DGKI: variants seen among roughly 807,000 people sequenced by gnomAD.
The protein encoded by DGKI is diacylglycerol kinase iota.
In DGKI, 55 loss-of-function variants were observed where a neutral mutation model predicts 147.5. The ratio of observed to expected loss-of-function variants is 0.37; its 90% CI spans 0.30 to 0.47. The LOEUF is 0.47. DGKI is among the 20% of genes least tolerant of loss of function. The pLI, the probability that DGKI is intolerant of heterozygous loss-of-function variation, is 1.00. For missense variants in DGKI, 1,007 were observed against 1,323.8 expected (o/e 0.76, Z 3.71); for synonymous variants, 469 against 477.1 (o/e 0.98, Z 0.22).
At chr7:137,557,700 C>T (rs975572873) in intron 19 of DGKI, among the ~76,000 whole-genome samples, 5 of 152,122 alleles carry the variant, frequency 3.3e-5, no homozygotes, top group Non-Finnish European at 7.4e-5. Flanking sequence ...TACTGAGAAG[C>T]ACTCTCTCCA....
At chr7:137,647,511 C>A (rs1171804503) in intron 5 of DGKI, among the ~76,000 whole-genome samples, 1 of 152,202 alleles carries the variant, frequency 6.6e-6, no homozygotes, top group East Asian at 1.9e-4. Flanking sequence ...GGGCTGGGCC[C>A]AGCTGGTGGT....
chr7:137,809,669 C>T (rs773137677), intron 1 of DGKI, among the ~76,000 whole-genome samples: 15 of 152,208 alleles, frequency 9.9e-5, no homozygotes, highest in Non-Finnish European at 2.1e-4. Flanking sequence ...CATTCTTGGA[C>T]GCCAAGGAAG....
intron 3 of DGKI, among the ~76,000 whole-genome samples, chr7:137,670,506 G>A (rs986467557): frequency 1.3e-5 from 2 of 152,106 alleles, no homozygotes; most frequent in African/African-American, 2.4e-5. Flanking sequence ...ACACCTAAAG[G>A]GTGACATTAC....
At chr7:137,638,738 T>A (rs1821511235) in intron 6 of DGKI, among the ~76,000 whole-genome samples, 1 of 149,494 alleles carries the variant, frequency 6.7e-6, no homozygotes, top group Non-Finnish European at 1.5e-5. Flanking sequence ...ATTACATATG[T>A]AAATAACTAT....
intron 21 of DGKI, among the ~76,000 whole-genome samples, chr7:137,498,944 A>T (rs1816071329): frequency 6.6e-6 from 1 of 152,176 alleles, no homozygotes; most frequent in Admixed American, 6.6e-5. Flanking sequence ...AGGACTGCCC[A>T]GGAGTCAGTC....
At chr7:137,393,128 T>C (rs866746108) in intron 32 of DGKI, among the ~76,000 whole-genome samples, 1 of 152,286 alleles carries the variant, frequency 6.6e-6, no homozygotes, top group South Asian at 2.1e-4. Context: ...GTCTAGGTTG[T>C]GAGGTTTCCA....
intron 3 of DGKI, among the ~76,000 whole-genome samples, chr7:137,664,377 C>CAAAAAAA (rs1190186766): frequency 1.6e-4 from 9 of 55,958 alleles, no homozygotes; most frequent in Admixed American, 2.5e-4. Context: ...GACTCCATCT[C>CAAAAAAA]AAAAAAAAAA....
At chr7:137,515,108 G>C (rs953605500) in intron 21 of DGKI, among the ~76,000 whole-genome samples, 1 of 152,108 alleles carries the variant, frequency 6.6e-6, no homozygotes, top group Non-Finnish European at 1.5e-5. Context: ...CTTGGAACTT[G>C]CCATTTCCTC....
chr7:137,805,266 C>T (rs1585514753), intron 1 of DGKI, among the ~76,000 whole-genome samples: 1 of 152,342 alleles, frequency 6.6e-6, no homozygotes, highest in South Asian at 2.1e-4. Context: ...AGCTGACTCA[C>T]ATTAGTCTGA....
chr7:137,435,478 AT>A (rs1199902286), intron 28 of DGKI, among the ~76,000 whole-genome samples: 2 of 152,130 alleles, frequency 1.3e-5, no homozygotes, highest in African/African-American at 4.8e-5. Context: ...TTATGGCTAA[AT>A]AAAGACAAGA....
chr7:137,845,242 T>C (rs548067889), intron 1 of DGKI, among the ~76,000 whole-genome samples: 9 of 152,312 alleles, frequency 5.9e-5, no homozygotes, highest in Non-Finnish European at 8.8e-5. Flanking sequence ...CATGCCCTAG[T>C]GACTGTGGCC....
intron 1 of DGKI, among the ~76,000 whole-genome samples, chr7:137,819,493 G>A (rs1258472558): frequency 6.6e-6 from 1 of 151,858 alleles, no homozygotes; most frequent in Non-Finnish European, 1.5e-5. Flanking sequence ...TGTATTTTTA[G>A]TAGAGACGGG....
chr7:137,472,512 T>A (rs1427446363), intron 23 of DGKI, among the ~76,000 whole-genome samples: 1 of 146,612 alleles, frequency 6.8e-6, no homozygotes, highest in Non-Finnish European at 1.5e-5. Context: ...TATTTCCTCT[T>A]TTTTGAACTG....
At chr7:137,844,896 C>A (rs1798664170) in intron 1 of DGKI, among the ~76,000 whole-genome samples, 1 of 152,202 alleles carries the variant, frequency 6.6e-6, no homozygotes, top group African/African-American at 2.4e-5. Flanking sequence ...GTAATCACCA[C>A]CCCCTTCCAA....
At chr7:137,424,357 T>G (rs1812696113) in intron 28 of DGKI, among the ~76,000 whole-genome samples, 1 of 152,172 alleles carries the variant, frequency 6.6e-6, no homozygotes, top group Non-Finnish European at 1.5e-5. Flanking sequence ...AGACTAAACC[T>G]TCATTCTTCA....
intron 6 of DGKI, among the ~76,000 whole-genome samples, chr7:137,638,640 A>ATACACATATATGTATGTATGTG (rs1563126060): frequency 2.5e-5 from 1 of 40,286 alleles, no homozygotes; most frequent in Non-Finnish European, 3.9e-5. Flanking sequence ...GTGTGTATAT[A>ATACACATATATGTATGTATGTG]TGTGTATGTA....
intron 6 of DGKI, among the ~76,000 whole-genome samples, chr7:137,640,957 T>A (rs115194859): frequency 0.018 from 2,754 of 152,320 alleles, 79 homozygotes; most frequent in African/African-American, 0.061. Flanking sequence ...GGAACTGATA[T>A]GGTTTGGCTG....
At chr7:137,783,537 AG>A (rs1173331623) in intron 1 of DGKI, among the ~76,000 whole-genome samples, 2 of 152,362 alleles carry the variant, frequency 1.3e-5, no homozygotes, top group African/African-American at 2.4e-5. Flanking sequence ...GAAATCTAAA[AG>A]TTTGGAAAAC....
At chr7:137,397,274 A>T in intron 31 of DGKI, 103 bp downstream of exon 31, 1 of 1,123,976 alleles carries the variant, frequency 8.9e-7, no homozygotes, top group East Asian at 2.5e-5. Context: ...CTTTGAATTA[A>T]TTAAGTTAAA....
Sources: allele counts gnomAD v4.1 joint callset (sites outside exome capture counted in the v4.1 genomes callset), GRCh38; gene constraint gnomAD v4.1.1; transcripts MANE v1.5; gene names NCBI Gene and HGNC (gene_info 2026-07-23, HGNC 2026-07-21).